Variants in ACSL3 observed in about 807,000 individuals in gnomAD.
The protein encoded by ACSL3 is fatty acid CoA ligase Acsl3.
In ACSL3, 34 loss-of-function variants were observed where a neutral mutation model predicts 84.7. The observed-to-expected ratio is 0.40, with a 90% confidence interval of 0.31 to 0.53. The LOEUF (loss-of-function observed/expected upper bound fraction) is 0.53, where lower values mean the gene tolerates loss of function less well. Among genes scored for constraint, ACSL3 ranks in the 20% least tolerant of loss-of-function variants. The probability of loss-of-function intolerance (pLI) is 0.48; values close to 1 mark genes in which losing one functional copy is unlikely to be tolerated. For synonymous variants in ACSL3, 315 were observed against 299.4 expected (o/e 1.05, Z -0.54); for missense variants, 680 against 873.1 (o/e 0.78, Z 2.79).
rs953795335 is a variant in ACSL3, at chr2:222,944,609, A to T, written c.*2955A>T. The stretch of plus-strand genomic sequence containing the variant: ...TTGACATAAAGTTTGAAGAATAAAG[A>T]TCTATAAAAGTTGAAGTTTCTGATA... On this transcript the variant is annotated 3_prime_UTR_variant, in exon 17 of 17. Coordinates refer to ENST00000357430, the MANE Select transcript of ACSL3 (RefSeq NM_004457.5). The T allele has an allele frequency of 6.7e-6, 1 of 148,430 alleles. No individual in the cohort carries two copies. The highest frequency in any genetic ancestry group is 2.5e-5 in the African/African-American group (1 of 40,302). The allele number at this position is 148,430 out of a possible 1,614,324, so 9.2% of individuals were successfully genotyped here. A position where few individuals can be genotyped will look rare whatever the true frequency, so the allele number is the denominator to read the frequency against.
chr2:222,867,710 T>C (rs985060120), intron 1 of ACSL3, among the ~76,000 whole-genome samples: 6 of 152,228 alleles, frequency 3.9e-5, no homozygotes, highest in Admixed American at 1.3e-4. Context: ...GATAGACTTT[T>C]AGGCTGTTTC....
intron 4 of ACSL3, among the ~76,000 whole-genome samples, chr2:222,910,805 G>A (rs1696421487): frequency 6.6e-6 from 1 of 152,162 alleles, no homozygotes; most frequent in Non-Finnish European, 1.5e-5. Context: ...AAGTGCCCTA[G>A]TTTGGATAGT....
In ACSL3 at chr2:222,862,024, C is replaced by T. The variant is rs543934478; in HGVS notation, c.-207+766C>T. Among the ~76,000 whole-genome samples, 10 of 152,204 alleles carry T rather than the reference C, an allele frequency of 6.6e-5. No individual in the cohort carries two copies. The South Asian group carries it at 1.9e-3, about 28-fold the overall frequency. On this transcript the variant is annotated intron_variant, in intron 1 of 16. Coordinates refer to ENST00000357430, the MANE Select transcript of ACSL3 (RefSeq NM_004457.5). The stretch of plus-strand genomic sequence containing the variant: ...CTGATACTAGAAAGTGTGCTCTAAG[C>T]TGCTGTATAAAAGATCCCTCGAAAA...
At position 222,933,287 on chromosome 2, in the gene ACSL3, A is replaced by C; in HGVS notation, c.1847+7A>C. On this transcript the variant is annotated splice_region_variant and intron_variant, in intron 15 of 16. Coordinates refer to ENST00000357430, the MANE Select transcript of ACSL3 (RefSeq NM_004457.5). The stretch of plus-strand genomic sequence containing the variant: ...TTTGTGCATATGCAAACAGGTAAGA[A>C]CGTGGAATTCATACTACTTTTACTT... 1 of 1,583,528 alleles carries C rather than the reference A, an allele frequency of 6.3e-7. No homozygotes were observed. Among genetic ancestry groups the C allele is most frequent in the Non-Finnish European group, 8.7e-7 (1 of 1,155,370 alleles).
chr2:222,928,925 A>C lies in ACSL3; in HGVS notation c.1529A>C (p.Asn510Thr). ...PLVCCEIKLK[N>T]WEEGGYFNTD... ...GTTTGCTGTGAAATCAAATTAAAAA[A>C]CTGGGAGGAAGGTAATAAACTATTT... Residue 510 changes from asparagine to threonine, a missense_variant, in exon 13 of 17, where the codon AAC (asparagine) becomes ACC (threonine). Coordinates refer to ENST00000357430, the MANE Select transcript of ACSL3 (RefSeq NM_004457.5). 1 of 1,613,398 alleles carries C rather than the reference A, an allele frequency of 6.2e-7. No individual in the cohort carries two copies. The highest frequency in any genetic ancestry group is 8.5e-7 in the Non-Finnish European group (1 of 1,179,474).
At chr2:222,919,413 GGTA>G (rs1696672885) in intron 7 of ACSL3, 2 of 400,094 alleles carry the variant, frequency 5.0e-6, no homozygotes, top group Non-Finnish European at 4.4e-6. Context: ...ATGTTTTAAA[GGTA>G]GTATTTATTT....
chr2:222,893,671 CTT>C (rs1303030816), intron 2 of ACSL3, among the ~76,000 whole-genome samples: 7 of 151,990 alleles, frequency 4.6e-5, no homozygotes, highest in Non-Finnish European at 8.8e-5. Context: ...TCTTCCTTCT[CTT>C]TTCTTTTCTC....
At chr2:222,934,395 A>T (rs1198583106) in intron 15 of ACSL3, 135 bp from the exon 16 acceptor site, 5 of 616,100 alleles carry the variant, frequency 8.1e-6, no homozygotes, top group Non-Finnish European at 1.3e-5. Context: ...CATGAAATGG[A>T]TATGCCAGTG....
chr2:222,902,814 C>T (rs560630319), intron 3 of ACSL3, among the ~76,000 whole-genome samples: 2 of 152,306 alleles, frequency 1.3e-5, no homozygotes, highest in Admixed American at 6.5e-5. Context: ...GTGGCTCCAC[C>T]CTAGGGCATT....
At chr2:222,879,779 C>T (rs1695543889) in intron 1 of ACSL3, among the ~76,000 whole-genome samples, 1 of 152,180 alleles carries the variant, frequency 6.6e-6, no homozygotes. Context: ...AACAGTATCA[C>T]ATATGTGAAA....
chr2:222,900,447 A>G (rs1365399452), intron 2 of ACSL3, among the ~76,000 whole-genome samples: 1 of 152,144 alleles, frequency 6.6e-6, no homozygotes, highest in Admixed American at 6.5e-5. Context: ...GTGTGCCTCT[A>G]GCTCTGGCCT....
chr2:222,918,951 CTTTT>C, intron 6 of ACSL3, 109 bp from the exon 7 acceptor site: 1 of 1,315,218 alleles, frequency 7.6e-7, no homozygotes, highest in South Asian at 1.5e-5. Flanking sequence ...TTTCTTCTTT[CTTTT>C]TTGAGGCAAG....
chr2:222,929,378 A>G (rs1325667428), intron 13 of ACSL3, among the ~76,000 whole-genome samples: 1 of 152,120 alleles, frequency 6.6e-6, no homozygotes, highest in South Asian at 2.1e-4. Context: ...AAGTCTGTTT[A>G]TTCTCATGCC....
intron 4 of ACSL3, among the ~76,000 whole-genome samples, chr2:222,913,372 A>G (rs919912212): frequency 2.6e-5 from 4 of 152,158 alleles, no homozygotes; most frequent in African/African-American, 7.2e-5. Flanking sequence ...GCATCATGCT[A>G]TATGTAACAA....
At chr2:222,928,043 A>G (rs1696927629) in intron 12 of ACSL3, among the ~76,000 whole-genome samples, 2 of 152,226 alleles carry the variant, frequency 1.3e-5, no homozygotes, top group African/African-American at 4.8e-5. Flanking sequence ...TTTAAGATTC[A>G]AATTGAATGA....
Position 222,909,024 on chromosome 2 carries a change from A to G in ACSL3, c.252A>G (p.Gly84=), listed in dbSNP as rs200637620. Residue 84 remains glycine, a synonymous_variant, in exon 4 of 17, where the codon GGA becomes GGG. Coordinates refer to ENST00000357430, the MANE Select transcript of ACSL3 (RefSeq NM_004457.5). ...GTTTGGCTTCAGTATTATACCCTGG[A>G]TGTGATACTTTAGATAAAGTTTTTA... ...LDGLASVLYP[G]CDTLDKVFTY... The G allele has an allele frequency of 5.0e-6, 8 of 1,613,652 alleles. No homozygotes were observed. The African/African-American group carries it at 9.3e-5, about 19-fold the overall frequency.
At chr2:222,885,362 T>A (rs1296267830) in intron 1 of ACSL3, among the ~76,000 whole-genome samples, 1 of 152,224 alleles carries the variant, frequency 6.6e-6, no homozygotes, top group African/African-American at 2.4e-5. Context: ...GTTTGCCATA[T>A]CTTTGCCAAC....
intron 8 of ACSL3, among the ~76,000 whole-genome samples, chr2:222,922,107 C>T (rs1375880870): frequency 1.3e-5 from 2 of 152,166 alleles, no homozygotes; most frequent in Non-Finnish European, 2.9e-5. Context: ...AATTTTCTTA[C>T]AGGTTTGCCT....
At chr2:222,876,799 G>T (rs921737134) in intron 1 of ACSL3, among the ~76,000 whole-genome samples, 1 of 152,108 alleles carries the variant, frequency 6.6e-6, no homozygotes, top group Non-Finnish European at 1.5e-5. Context: ...TCTGTTGTGG[G>T]GAGACAGAAA....
Sources: allele counts gnomAD v4.1 joint callset (sites outside exome capture counted in the v4.1 genomes callset), GRCh38; gene constraint gnomAD v4.1.1; transcripts MANE v1.5; gene names NCBI Gene and HGNC (gene_info 2026-07-23, HGNC 2026-07-21).